The following WNT6 variants were observed in gnomAD, a reference collection of about 807,000 sequenced individuals.
WNT6 encodes the protein Wnt family member 6.
In WNT6, 27 loss-of-function variants were observed where a neutral mutation model predicts 33.1. That is an observed-to-expected ratio of 0.82 (90% CI 0.60 to 1.12). The LOEUF (loss-of-function observed/expected upper bound fraction) is 1.12. Among genes scored for constraint, WNT6 ranks in the 50% most tolerant of loss-of-function variants. The pLI, the probability that WNT6 is intolerant of heterozygous loss-of-function variation, is 0.00. For synonymous variants in WNT6, 249 were observed against 242.8 expected, an observed-to-expected ratio of 1.03 and a Z score of -0.24; for missense variants, 494 against 535.3, an observed-to-expected ratio of 0.92 and a Z score of 0.76.
intron 1 of WNT6, among the ~76,000 whole-genome samples, chr2:218,861,550 A>C (rs1175378862): frequency 6.6e-6 from 1 of 152,146 alleles, no homozygotes; most frequent in African/African-American, 2.4e-5. Flanking sequence ...CTCACAACCC[A>C]GCTTCTCCTG....
At chr2:218,870,917 G>A (rs1312957792) in intron 1 of WNT6, 110 bp from the exon 2 acceptor site, 9 of 1,005,212 alleles carry the variant, frequency 9.0e-6, no homozygotes, top group African/African-American at 1.6e-5. Context: ...GGTAGGGTGG[G>A]AGGGCATGTC....
Position 218,871,052 on chromosome 2 carries a change from G to A in WNT6, c.106G>A (p.Asp36Asn). The A allele has an allele frequency of 6.2e-7, 1 of 1,612,922 alleles. No individual in the cohort carries two copies. The highest frequency in any genetic ancestry group is 8.5e-7 in the Non-Finnish European group (1 of 1,179,324). The change falls in exon 2 of 4, where the codon GAC (aspartate) becomes AAC (asparagine). Residue 36 changes from aspartate (D) to asparagine (N), a missense_variant. Transcript: ENST00000233948. The surrounding 1 kb of genome is among the most constrained non-coding windows in gnomAD (Gnocchi z 6.4). ...GGCTGTGGGCAGCCCCTTGGTTATG[G>A]ACCCTACCAGCATCTGCAGGAAGGC... ...WWAVGSPLVM[D>N]PTSICRKARR... is the part of the protein sequence containing the mutation.
At chr2:218,865,536 C>T (rs868090667) in intron 1 of WNT6, among the ~76,000 whole-genome samples, 2 of 152,242 alleles carry the variant, frequency 1.3e-5, no homozygotes, top group African/African-American at 2.4e-5. Flanking sequence ...AGCAAGGTCA[C>T]AGACAGGCGG....
At chr2:218,872,319 T>C (rs550855283) in intron 3 of WNT6, among the ~76,000 whole-genome samples, 40 of 151,780 alleles carry the variant, frequency 2.6e-4, no homozygotes, top group Non-Finnish European at 5.5e-4. Context: ...TTAGAACAGG[T>C]CTGAGGGGCA....
In WNT6 at chr2:218,867,554, T is replaced by C. The variant is rs765473090; in HGVS notation, c.81-3473T>C. On this transcript the variant is annotated intron_variant, in intron 1 of 3. Transcript: ENST00000233948. The surrounding 1 kb of genome is among the most constrained non-coding windows in gnomAD (Gnocchi z 4.9). Reference sequence around the variant, plus strand: ...AATGACCATCCATTGCCTTGTCCCTTCTTGTCCGCATACTGATTTCTTTTA... The same window carrying C: ...AATGACCATCCATTGCCTTGTCCCTCCTTGTCCGCATACTGATTTCTTTTA... 2.0e-5 allele frequency among the ~76,000 whole-genome samples: 3 copies of C among 152,202 alleles called. No individual in the cohort carries two copies. Among genetic ancestry groups the C allele is most frequent in the Non-Finnish European group, 4.4e-5 (3 of 68,032 alleles).
At chr2:218,860,580 G>A (rs1346703934) in intron 1 of WNT6, among the ~76,000 whole-genome samples, 1 of 152,152 alleles carries the variant, frequency 6.6e-6, no homozygotes, top group Non-Finnish European at 1.5e-5. Flanking sequence ...CCTGAGGAGT[G>A]GGCCTTAGTG....
In WNT6 at chr2:218,873,303, A is replaced by G. The variant is rs1355568305; in HGVS notation, c.637-81A>G. On this transcript the variant is annotated intron_variant, in intron 3 of 3. Coordinates refer to ENST00000233948, the MANE Select transcript of WNT6 (RefSeq NM_006522.4). This position sits in a 1 kb window ranked among gnomAD's most constrained non-coding sequence, Gnocchi z 6.1. The stretch of plus-strand genomic sequence containing the variant: ...CTCTTCCTTTCACCTCCCATTCCCA[A>G]TCTTATTTTCTGTCCATCCGCTGGG... 14 of 1,359,030 alleles carry G rather than the reference A, an allele frequency of 1.0e-5. No individual in the cohort carries two copies. The highest frequency in any genetic ancestry group is 4.5e-5 in the African/African-American group (3 of 67,314). The allele number at this position is 1,359,030 out of a possible 1,614,324, so 84.2% of individuals were successfully genotyped here.
intron 3 of WNT6, among the ~76,000 whole-genome samples, chr2:218,872,595 T>G (rs1285478042): frequency 6.6e-6 from 1 of 151,630 alleles, no homozygotes; most frequent in Admixed American, 6.6e-5. Context: ...GAGGTGGGAG[T>G]GGGACACATG....
At chr2:218,864,175 G>GA (rs1944333940) in intron 1 of WNT6, among the ~76,000 whole-genome samples, 1 of 152,188 alleles carries the variant, frequency 6.6e-6, no homozygotes, top group Admixed American at 6.5e-5. Flanking sequence ...CCAATCGGTG[G>GA]ATGTAGTAAA....
Position 218,871,654 on chromosome 2 carries a change from C to T in WNT6, c.471C>T (p.Pro157=). 1.3e-6 allele frequency: 2 copies of T among 1,512,100 alleles called. No individual in the cohort carries two copies. Among genetic ancestry groups the T allele is most frequent in the Non-Finnish European group, 1.8e-6 (2 of 1,132,564 alleles). The allele number at this position is 1,512,100 out of a possible 1,614,324, so 93.7% of individuals were successfully genotyped here. ...GLPGTPGPPG[P]AGSPEGSAAW... is the part of the protein sequence containing the mutation. ...CCGGCACCCCCGGACCCCCTGGCCCCGCGGGCTCCCCGGAAGGCAGCGCCG... is the reference window on the plus strand; with the variant it reads ...CCGGCACCCCCGGACCCCCTGGCCCTGCGGGCTCCCCGGAAGGCAGCGCCG... The change falls in exon 3 of 4, where the codon CCC becomes CCT. Residue 157 remains proline, a synonymous_variant. Transcript: ENST00000233948. The surrounding 1 kb of genome is among the most constrained non-coding windows in gnomAD (Gnocchi z 6.4).
At chr2:218,869,489 C>T (rs1944381450) in intron 1 of WNT6, among the ~76,000 whole-genome samples, 1 of 152,144 alleles carries the variant, frequency 6.6e-6, no homozygotes, top group East Asian at 1.9e-4. Context: ...TAAAGCAAAA[C>T]TGAAAAGTAG....
intron 1 of WNT6, among the ~76,000 whole-genome samples, chr2:218,866,125 C>T (rs1944352723): frequency 6.6e-6 from 1 of 152,246 alleles, no homozygotes; most frequent in African/African-American, 2.4e-5. Flanking sequence ...ATTTTTCTGC[C>T]CCTTCTCCAC....
At position 218,871,808 on chromosome 2, in the gene WNT6, G is replaced by A. The variant is rs781196612; in HGVS notation, c.625G>A (p.Ala209Thr). 2 of 1,590,484 alleles carry A rather than the reference G, an allele frequency of 1.3e-6. No homozygotes were observed. The highest frequency in any genetic ancestry group is 3.4e-5 in the Admixed American group (2 of 58,006). The change falls in exon 3 of 4, where the codon GCG becomes ACG. Residue 209 changes from alanine to threonine, a missense_variant. Ala to Thr is a moderately conservative substitution (Grantham distance 58). Coordinates refer to ENST00000233948, the MANE Select transcript of WNT6 (RefSeq NM_006522.4). The surrounding 1 kb of genome is among the most constrained non-coding windows in gnomAD (Gnocchi z 6.4). ...RALVQLHNNEAGRLAVRSHTR... is the reference protein window; with the variant it reads ...RALVQLHNNETGRLAVRSHTR... ...GTTGGTGCAACTGCACAACAACGAG[G>A]CGGGCAGGCTGGTGCGTACGGGCAG... is the stretch of plus-strand genomic sequence containing the variant.
rs1216866857 is a variant in WNT6 at position 218,871,461 on chromosome 2, GA to G, written c.302-23del. 2 of 1,593,546 alleles carry G rather than the reference GA, an allele frequency of 1.3e-6. No homozygotes were observed. The highest frequency in any genetic ancestry group is 2.7e-5 in the African/African-American group (2 of 73,666). ...CCAGCTGACCGCCCCAGCCCGCGCT[GA>G]TTGCACCTGTCTGCATTCACAGACA... On this transcript the variant is annotated intron_variant, in intron 2 of 3. Coordinates refer to ENST00000233948, the MANE Select transcript of WNT6 (RefSeq NM_006522.4). This position sits in a 1 kb window ranked among gnomAD's most constrained non-coding sequence, Gnocchi z 6.4.
At chr2:218,872,507 G>C (rs1338150489) in intron 3 of WNT6, among the ~76,000 whole-genome samples, 1 of 152,116 alleles carries the variant, frequency 6.6e-6, no homozygotes, top group Non-Finnish European at 1.5e-5. Context: ...GTAACGAGGA[G>C]AGCCCCAGGA....
At chr2:218,860,777 G>A (rs1355704955) in intron 1 of WNT6, among the ~76,000 whole-genome samples, 2 of 152,056 alleles carry the variant, frequency 1.3e-5, no homozygotes, top group Non-Finnish European at 2.9e-5. Context: ...GGGTCCTGCG[G>A]GAAGGGAGAG....
At chr2:218,870,462 A>G (rs1406597779) in intron 1 of WNT6, among the ~76,000 whole-genome samples, 1 of 152,160 alleles carries the variant, frequency 6.6e-6, no homozygotes, top group African/African-American at 2.4e-5. Context: ...TTTCTCAGCT[A>G]GGCTCCATTC....
Position 218,873,386 on chromosome 2 carries a change from C to G in WNT6, c.639C>G (p.Ala213=). The G allele has an allele frequency of 6.5e-7, 1 of 1,534,322 alleles. No homozygotes were observed. The highest frequency in any genetic ancestry group is 8.7e-7 in the Non-Finnish European group (1 of 1,145,480). The part of the protein sequence containing the change: ...QLHNNEAGRL[A]VRSHTRTECK... ...GTCCGCCCCTCTGCCTCCCGCAGGC[C>G]GTGCGGAGCCACACGCGCACCGAGT... The change falls in exon 4 of 4, where the codon GCC becomes GCG. Residue 213 remains alanine, a splice_region_variant and synonymous_variant. Coordinates refer to ENST00000233948, the MANE Select transcript of WNT6 (RefSeq NM_006522.4). The surrounding 1 kb of genome is among the most constrained non-coding windows in gnomAD (Gnocchi z 6.1).
chr2:218,860,622 T>A (rs1241871233), intron 1 of WNT6, among the ~76,000 whole-genome samples: 1 of 151,870 alleles, frequency 6.6e-6, no homozygotes, highest in Admixed American at 6.5e-5. Context: ...GGAAAGTGAG[T>A]CAGGACCCTG....
Sources: allele counts gnomAD v4.1 joint callset (sites outside exome capture counted in the v4.1 genomes callset), GRCh38; gene constraint gnomAD v4.1.1; non-coding constraint Gnocchi (gnomAD v3.1); transcripts MANE v1.5; gene names NCBI Gene and HGNC (gene_info 2026-07-23, HGNC 2026-07-21).